TSC1: variants seen among roughly 807,000 people sequenced by gnomAD.
TSC1 encodes TSC complex subunit 1.
A neutral mutation model predicts 124.3 loss-of-function variants in TSC1; 20 were observed. That is an observed-to-expected ratio of 0.16 (90% CI 0.11 to 0.23). TSC1 has a LOEUF of 0.23. Ranked by LOEUF, TSC1 falls within the 10% of genes least tolerant of loss-of-function variation. The probability of loss-of-function intolerance (pLI) is 1.00; values close to 1 mark genes in which losing one functional copy is unlikely to be tolerated. For synonymous variants in TSC1, 493 were observed against 539.1 expected (o/e 0.91, Z 1.19); for missense variants, 1,124 against 1,448.5 (o/e 0.78, Z 3.64).
Position 132,905,579 on chromosome 9 carries a change from A to C in TSC1, c.1997+2T>G, listed in dbSNP as rs2131806725. On this transcript the variant is annotated splice_donor_variant, in intron 15 of 22. Coordinates refer to ENST00000298552, the MANE Select transcript of TSC1 (RefSeq NM_000368.5). LOFTEE classifies it high-confidence loss of function. ...ACAGAAGAGAGTGCCCCAGTCCCTTACTTGTTCAGCTCCTTGCTGTGCGCG... is the reference window on the plus strand; with the variant it reads ...ACAGAAGAGAGTGCCCCAGTCCCTTCCTTGTTCAGCTCCTTGCTGTGCGCG... 1 of 1,613,942 alleles carries C rather than the reference A, an allele frequency of 6.2e-7. No homozygotes were observed. The highest frequency in any genetic ancestry group is 1.1e-5 in the South Asian group (1 of 91,070).
At chr9:132,928,223 G>A (rs1439085305) in intron 3 of TSC1, among the ~76,000 whole-genome samples, 1 of 152,022 alleles carries the variant, frequency 6.6e-6, no homozygotes, top group African/African-American at 2.4e-5. Flanking sequence ...ATTCTTCACT[G>A]TATTTCACTC....
intron 8 of TSC1, among the ~76,000 whole-genome samples, chr9:132,915,966 C>T (rs554624879): frequency 2.0e-5 from 3 of 152,056 alleles, no homozygotes; most frequent in African/African-American, 4.8e-5. Flanking sequence ...TGAGAGCAGG[C>T]GTTAGGACAC....
chr9:132,933,761 A>G (rs1216662845), intron 2 of TSC1, among the ~76,000 whole-genome samples: 2 of 152,210 alleles, frequency 1.3e-5, no homozygotes, highest in Non-Finnish European at 2.9e-5. Context: ...AATGCAATAC[A>G]ATTACTATCG....
intron 9 of TSC1, 26 bp from the exon 10 acceptor site, chr9:132,911,594 G>C (rs2131983813): frequency 9.4e-7 from 1 of 1,062,342 alleles, no homozygotes. Context: ...AGAACACAGG[G>C]GGTTAGTGTG....
Position 132,892,538 on chromosome 9 carries a change from G to A in TSC1, c.*3697C>T, listed in dbSNP as rs111450858. The A allele has an allele frequency of 4.9e-4, 114 of 233,410 alleles. No individual in the cohort carries two copies. The highest frequency in any genetic ancestry group is 2.0e-3 in the African/African-American group (91 of 45,474). The allele number at this position is 233,410 out of a possible 1,614,324, so 14.5% of individuals were successfully genotyped here. ...GGGGAACAACTCTCCAAGAGTATCC[G>A]CAGGAGGTGGGCGGCACCCCATCTC... On this transcript the variant is annotated 3_prime_UTR_variant, in exon 23 of 23. Coordinates refer to ENST00000298552, the MANE Select transcript of TSC1 (RefSeq NM_000368.5).
rs1588345946 is a variant in TSC1, at chr9:132,921,446, T to G, written c.664-10A>C. On this transcript the variant is annotated splice_polypyrimidine_tract_variant and intron_variant, in intron 7 of 22. Transcript: ENST00000298552. This position sits in a 1 kb window ranked among gnomAD's most constrained non-coding sequence, Gnocchi z 4.3. The stretch of plus-strand genomic sequence containing the variant: ...CATGCTCCATCATTGGCTAGAAGAG[T>G]TGGGTTGACAAATTATAAAGGGCTG... The G allele has an allele frequency of 6.2e-7, 1 of 1,613,976 alleles. No homozygotes were observed. Among genetic ancestry groups the G allele is most frequent in the Non-Finnish European group, 8.5e-7 (1 of 1,179,956 alleles).
rs1379235448 is a variant in TSC1, at chr9:132,903,418, T to C, written c.2208+233A>G. 6.6e-6 allele frequency among the ~76,000 whole-genome samples: 1 copy of C among 152,200 alleles called. No homozygotes were observed. Among genetic ancestry groups the C allele is most frequent in the Non-Finnish European group, 1.5e-5 (1 of 68,028 alleles). On this transcript the variant is annotated intron_variant, in intron 17 of 22. Transcript: ENST00000298552. The surrounding 1 kb of genome is among the most constrained non-coding windows in gnomAD (Gnocchi z 5.9). ...ATCATCTTCTGACCCTTCATCATCATGGCCAGTTACATGCAAACATACACA... is the reference window on the plus strand; with the variant it reads ...ATCATCTTCTGACCCTTCATCATCACGGCCAGTTACATGCAAACATACACA...
At chr9:132,917,616 G>C (rs1375502884) in intron 8 of TSC1, among the ~76,000 whole-genome samples, 1 of 152,162 alleles carries the variant, frequency 6.6e-6, no homozygotes, top group Non-Finnish European at 1.5e-5. Context: ...ACAGGCGTGA[G>C]CCACTGCACC....
Position 132,905,800 on chromosome 9 carries a change from C to G in TSC1, c.1778G>C (p.Arg593Thr), listed in dbSNP as rs2131824624. Reference sequence around the variant, plus strand: ...AGGCTGCCCGCTTCCAAAGCCCACTCTCGTCGGAGGTGGAATTTTACAAGG... The same window carrying G: ...AGGCTGCCCGCTTCCAAAGCCCACTGTCGTCGGAGGTGGAATTTTACAAGG... ...PSPCKIPPPTRVGFGSGQPPP... is the reference protein window; with the variant it reads ...PSPCKIPPPTTVGFGSGQPPP... The change falls in exon 15 of 23, where the codon AGA (arginine) becomes ACA (threonine). Residue 593 changes from arginine to threonine, a missense_variant. Coordinates refer to ENST00000298552, the MANE Select transcript of TSC1 (RefSeq NM_000368.5). The G allele has an allele frequency of 6.2e-7, 1 of 1,614,242 alleles. No individual in the cohort carries two copies. Among genetic ancestry groups the G allele is most frequent in the Non-Finnish European group, 8.5e-7 (1 of 1,180,048 alleles).
chr9:132,900,706 C>T lies in TSC1; in HGVS notation c.2625+9G>A. On this transcript the variant is annotated intron_variant, in intron 20 of 22. Coordinates refer to ENST00000298552, the MANE Select transcript of TSC1 (RefSeq NM_000368.5). ...CCCACTAAGGTCTGGCTCCCGAGCC[C>T]TGGCATACCTTTGTGGTATCTGAGT... 1 of 1,613,990 alleles carries T rather than the reference C, an allele frequency of 6.2e-7. No homozygotes were observed. The highest frequency in any genetic ancestry group is 1.1e-5 in the South Asian group (1 of 91,060).
intron 1 of TSC1, chr9:132,939,395 A>T (rs117606573): frequency 2.6e-5 from 4 of 152,362 alleles, no homozygotes; most frequent in Non-Finnish European, 5.9e-5. Context: ...TAGTAGTTGG[A>T]GTCCCTCTCA....
At chr9:132,917,784 T>C (rs1351755217) in intron 8 of TSC1, among the ~76,000 whole-genome samples, 1 of 152,256 alleles carries the variant, frequency 6.6e-6, no homozygotes, top group Non-Finnish European at 1.5e-5. Context: ...ATTCTTTTAC[T>C]GAAATGTTTA....
intron 1 of TSC1, among the ~76,000 whole-genome samples, chr9:132,936,775 C>A (rs747039924): frequency 6.6e-6 from 1 of 152,180 alleles, no homozygotes; most frequent in East Asian, 1.9e-4. Context: ...AAGATTTAAT[C>A]AGCTTCTTTG....
At position 132,893,723 on chromosome 9, in the gene TSC1, T is replaced by A; in HGVS notation, c.*2512A>T. 2 of 233,192 alleles carry A rather than the reference T, an allele frequency of 8.6e-6. No individual in the cohort carries two copies. Among genetic ancestry groups the A allele is most frequent in the Non-Finnish European group, 1.7e-5 (2 of 118,012 alleles). The allele number at this position is 233,192 out of a possible 1,614,324, so 14.4% of individuals were successfully genotyped here. A position where few individuals can be genotyped will look rare whatever the true frequency, so the allele number is the denominator to read the frequency against. ...GGATGGAGGCCATCCAATCCCAATA[T>A]TTATGAATACCAAGCTGCTTAATTG... On this transcript the variant is annotated 3_prime_UTR_variant, in exon 23 of 23. Transcript: ENST00000298552.
rs1588309097 is a variant in TSC1, at chr9:132,905,773, G to A, written c.1805C>T (p.Pro602Leu). The change falls in exon 15 of 23, where the codon CCC (proline) becomes CTC (leucine). Residue 602 changes from proline (P) to leucine (L), a missense_variant. Pro to Leu is a moderately conservative substitution (Grantham distance 98). Around this residue, in one of 5 missense-constraint regions of TSC1, gnomAD observed 321 missense variants for 397.4 expected, o/e 0.81. Transcript: ENST00000298552. ...TRVGFGSGQP[P>L]PYDHLFEVAL... ...CACCTCAAAAAGATGATCATACGGG[G>A]GAGGCTGCCCGCTTCCAAAGCCCAC... 2 of 1,614,214 alleles carry A rather than the reference G, an allele frequency of 1.2e-6. No homozygotes were observed. Among genetic ancestry groups the A allele is most frequent in the East Asian group, 2.2e-5 (1 of 44,884 alleles).
chr9:132,902,058 A>G lies in TSC1; in HGVS notation c.2392-359T>C. 3.8e-6 allele frequency: 1 copy of G among 260,878 alleles called. No individual in the cohort carries two copies. Among genetic ancestry groups the G allele is most frequent in the South Asian group, 5.3e-5 (1 of 19,042 alleles). The allele number at this position is 260,878 out of a possible 1,614,324, so 16.2% of individuals were successfully genotyped here. On this transcript the variant is annotated intron_variant, in intron 18 of 22. Transcript: ENST00000298552. The surrounding 1 kb of genome is among the most constrained non-coding windows in gnomAD (Gnocchi z 5.2). The stretch of plus-strand genomic sequence containing the variant: ...GTGAATTACTAACTGGCTGGAAATG[A>G]TGCTGTGTCTGTGGATGACGTCTTT...
chr9:132,904,150 C>T (rs903414705), intron 16 of TSC1, among the ~76,000 whole-genome samples: 5 of 152,182 alleles, frequency 3.3e-5, no homozygotes, highest in African/African-American at 1.2e-4. Context: ...AGATGCTTCA[C>T]TCTGGTCTTC....
chr9:132,930,250 C>T (rs1171470128), intron 2 of TSC1, among the ~76,000 whole-genome samples: 1 of 152,048 alleles, frequency 6.6e-6, no homozygotes, highest in Non-Finnish European at 1.5e-5. Context: ...TTGAGAAACA[C>T]TATGATAAAG....
intron 3 of TSC1, 28 bp from the exon 4 acceptor site, chr9:132,927,332 T>C: frequency 6.3e-7 from 1 of 1,599,846 alleles, no homozygotes. Context: ...CAATGGATGA[T>C]ACTTATTCCC....
Sources: allele counts gnomAD v4.1 joint callset (sites outside exome capture counted in the v4.1 genomes callset), GRCh38; gene constraint gnomAD v4.1.1; regional missense constraint gnomAD v4.1.1; non-coding constraint Gnocchi (gnomAD v3.1); transcripts MANE v1.5; gene names NCBI Gene and HGNC (gene_info 2026-07-23, HGNC 2026-07-21).